The following CTCF variants were observed in gnomAD, a reference collection of about 807,000 sequenced individuals.
CTCF encodes CCCTC-binding factor, also known as transcriptional repressor CTCF.
A neutral mutation model predicts 72.3 loss-of-function variants in CTCF; 7 were observed. The observed-to-expected ratio is 0.10, with a 90% confidence interval of 0.06 to 0.18. The LOEUF (loss-of-function observed/expected upper bound fraction) is 0.18, where lower values mean the gene tolerates loss of function less well. Ranked by LOEUF, CTCF falls within the 10% of genes least tolerant of loss-of-function variation. The probability of loss-of-function intolerance (pLI) is 1.00; values close to 1 mark genes in which losing one functional copy is unlikely to be tolerated. For missense variants in CTCF, 516 were observed against 949.1 expected, an observed-to-expected ratio of 0.54 and a Z score of 6.00; for synonymous variants, 374 against 315.8, an observed-to-expected ratio of 1.18 and a Z score of -1.95.
At chr16:67,618,549 C>T (rs2052162690) in intron 5 of CTCF, among the ~76,000 whole-genome samples, 1 of 152,114 alleles carries the variant, frequency 6.6e-6, no homozygotes, top group Non-Finnish European at 1.5e-5. Context: ...ACTGGAAATC[C>T]TAGCTAATCG....
At chr16:67,627,035 C>A in intron 8 of CTCF, 1 of 213,596 alleles carries the variant, frequency 4.7e-6, no homozygotes, top group Non-Finnish European at 9.2e-6. Context: ...AAAGAAGGAG[C>A]TCAGCAGGAA....
In CTCF at chr16:67,598,009, C is replaced by T. The variant is rs2051837071; in HGVS notation, c.-9-12815C>T. Among the ~76,000 whole-genome samples the T allele has an allele frequency of 2.0e-5, 3 of 152,048 alleles. No homozygotes were observed. In the South Asian group the frequency reaches 6.2e-4, roughly 32 times the overall value. ...TAGTTTTTTTTTAGACCATGTCTCACTTTATTGCCCAGGCCAGAGTGCAGA... is the reference window on the plus strand; with the variant it reads ...TAGTTTTTTTTTAGACCATGTCTCATTTTATTGCCCAGGCCAGAGTGCAGA... On this transcript the variant is annotated intron_variant, in intron 2 of 11. Coordinates refer to ENST00000264010, the MANE Select transcript of CTCF (RefSeq NM_006565.4).
chr16:67,588,404 T>C (rs1462518633), intron 2 of CTCF, among the ~76,000 whole-genome samples: 2 of 152,186 alleles, frequency 1.3e-5, no homozygotes, highest in Admixed American at 1.3e-4. Context: ...AACTCTGAGC[T>C]GCTTCCAGGG....
intron 2 of CTCF, among the ~76,000 whole-genome samples, chr16:67,575,960 G>T (rs2051490466): frequency 6.7e-6 from 1 of 148,486 alleles, no homozygotes; most frequent in African/African-American, 2.5e-5. Flanking sequence ...ATGAATGTCA[G>T]CCTGGGCAAC....
intron 2 of CTCF, among the ~76,000 whole-genome samples, chr16:67,579,461 C>G (rs1387934509): frequency 6.6e-6 from 1 of 151,494 alleles, no homozygotes; most frequent in African/African-American, 2.4e-5. Flanking sequence ...CAGGTTTAAG[C>G]GATTCTCTTG....
intron 7 of CTCF, among the ~76,000 whole-genome samples, chr16:67,622,969 G>A (rs569542361): frequency 6.8e-6 from 1 of 146,124 alleles, no homozygotes; most frequent in African/African-American, 2.5e-5. Flanking sequence ...GCCCTCACTT[G>A]CTTTTTTTTG....
intron 10 of CTCF, among the ~76,000 whole-genome samples, chr16:67,631,608 G>A (rs1420962614): frequency 6.6e-6 from 1 of 151,460 alleles, no homozygotes; most frequent in Non-Finnish European, 1.5e-5. Flanking sequence ...GCTACTTTAT[G>A]GGTTTTATTG....
Position 67,611,482 on chromosome 16 carries a change from A to G in CTCF, c.650A>G (p.Glu217Gly). The change falls in exon 3 of 12, where the codon GAG (glutamate) becomes GGG (glycine). Residue 217 changes from glutamate to glycine, a missense_variant. Physicochemically the swap from Glu to Gly is moderately conservative, Grantham distance 98. Around this residue, in one of 7 missense-constraint regions of CTCF, gnomAD observed 53 missense variants for 63.6 expected, o/e 0.83. Coordinates refer to ENST00000264010, the MANE Select transcript of CTCF (RefSeq NM_006565.4). ...AAGAGCAAACTGCGTTATACAGAGGAGGGCAAAGATGTAGATGTGTCTGTC... is the reference window on the plus strand; with the variant it reads ...AAGAGCAAACTGCGTTATACAGAGGGGGGCAAAGATGTAGATGTGTCTGTC... ...TKKSKLRYTE[E>G]GKDVDVSVYD... The G allele has an allele frequency of 1.9e-6, 3 of 1,614,204 alleles. No individual in the cohort carries two copies. The South Asian group carries it at 3.3e-5, about 18-fold the overall frequency.
Position 67,610,897 on chromosome 16 carries a change from G to A in CTCF, c.65G>A (p.Arg22Lys), listed in dbSNP as rs368184700. The A allele has an allele frequency of 4.6e-6, 7 of 1,520,698 alleles. No individual in the cohort carries two copies. Among genetic ancestry groups the A allele is most frequent in the African/African-American group, 1.4e-5 (1 of 71,912 alleles). 94.2% of individuals were successfully genotyped at this position (1,520,698 alleles called of 1,614,324 possible). A position where few individuals can be genotyped will look rare whatever the true frequency, so the allele number is the denominator to read the frequency against. ...ESETFIKGKE[R>K]KTYQRRREGG... is the part of the protein sequence containing the mutation. The stretch of plus-strand genomic sequence containing the variant: ...GAAACTTTTATTAAAGGAAAGGAGA[G>A]AAAGACTTACCAGAGACGCCGGGAA... The change falls in exon 3 of 12, where the codon AGA becomes AAA. Residue 22 changes from arginine (R) to lysine (K), a missense_variant. Around this residue, in one of 7 missense-constraint regions of CTCF, gnomAD observed 148 missense variants for 194.9 expected, o/e 0.76. Transcript: ENST00000264010.
At chr16:67,595,030 G>T (rs2051793334) in intron 2 of CTCF, among the ~76,000 whole-genome samples, 1 of 152,268 alleles carries the variant, frequency 6.6e-6, no homozygotes, top group South Asian at 2.1e-4. Flanking sequence ...GGAAGGGAAT[G>T]GGAACAAACT....
chr16:67,587,012 C>G (rs1308514364), intron 2 of CTCF, among the ~76,000 whole-genome samples: 1 of 151,878 alleles, frequency 6.6e-6, no homozygotes, highest in Non-Finnish European at 1.5e-5. Context: ...TTAGGCTTGT[C>G]CCATCTCTTG....
At position 67,638,915 on chromosome 16, in the gene CTCF, A is replaced by G. The variant is rs1421569523; in HGVS notation, c.*1043A>G. 1 of 204,774 alleles carries G rather than the reference A, an allele frequency of 4.9e-6. No homozygotes were observed. Among genetic ancestry groups the G allele is most frequent in the Admixed American group, 6.0e-5 (1 of 16,758 alleles). 12.7% of individuals were successfully genotyped at this position (204,774 alleles called of 1,614,324 possible). On this transcript the variant is annotated 3_prime_UTR_variant, in exon 12 of 12. Coordinates refer to ENST00000264010, the MANE Select transcript of CTCF (RefSeq NM_006565.4). Reference sequence around the variant, plus strand: ...GTGATTCTTGCACATGAACTGTCACATGTTTAAAAATGTGTTTTTTAGAGA... The same window carrying G: ...GTGATTCTTGCACATGAACTGTCACGTGTTTAAAAATGTGTTTTTTAGAGA...
chr16:67,565,818 C>T (rs978143305), intron 1 of CTCF, among the ~76,000 whole-genome samples: 3 of 152,144 alleles, frequency 2.0e-5, no homozygotes, highest in Non-Finnish European at 2.9e-5. Context: ...AAAGTACACA[C>T]GCAAATGGGG....
intron 2 of CTCF, among the ~76,000 whole-genome samples, chr16:67,589,913 C>T (rs953010222): frequency 2.0e-5 from 3 of 151,978 alleles, no homozygotes; most frequent in African/African-American, 7.3e-5. Flanking sequence ...ATGGTGAAAC[C>T]CTATCTCTAC....
chr16:67,592,147 C>A (rs1021431071), intron 2 of CTCF, among the ~76,000 whole-genome samples: 1 of 152,104 alleles, frequency 6.6e-6, no homozygotes, highest in African/African-American at 2.4e-5. Context: ...CGCAGTGGCT[C>A]ACACCTGTAA....
chr16:67,584,188 G>C (rs913737417), intron 2 of CTCF, among the ~76,000 whole-genome samples: 1 of 151,814 alleles, frequency 6.6e-6, no homozygotes, highest in African/African-American at 2.4e-5. Context: ...TGGGCATGGT[G>C]GTGGGCACCT....
chr16:67,580,583 C>T (rs535294883), intron 2 of CTCF, among the ~76,000 whole-genome samples: 23 of 151,384 alleles, frequency 1.5e-4, no homozygotes, highest in East Asian at 1.9e-4. Context: ...ATTTTTGAGA[C>T]GAAGTCTCGC....
chr16:67,632,089 A>AAAAAAAAG (rs1213180484), intron 10 of CTCF, among the ~76,000 whole-genome samples: 1 of 150,164 alleles, frequency 6.7e-6, no homozygotes, highest in Admixed American at 6.6e-5. Context: ...AAAAAAAAAA[A>AAAAAAAAG]GGGAAAAAAA....
At chr16:67,589,592 A>G (rs982502600) in intron 2 of CTCF, among the ~76,000 whole-genome samples, 7 of 152,090 alleles carry the variant, frequency 4.6e-5, no homozygotes, top group Non-Finnish European at 1.0e-4. Flanking sequence ...TATAGCTGCT[A>G]TTTGTTTTTC....
Sources: gnomAD v4.1 joint callset for allele counts (sites outside exome capture counted in the v4.1 genomes callset) on GRCh38, gnomAD v4.1.1 for gene constraint, gnomAD v4.1.1 regional missense constraint, MANE v1.5 for transcripts, NCBI Gene and HGNC (gene_info 2026-07-23, HGNC 2026-07-21) for gene names.